Variants in DIAPH2 observed in about 807,000 individuals in gnomAD.
DIAPH2 encodes protein diaphanous homolog 2.
DIAPH2 carries 35 observed loss-of-function variants against 92.7 expected under a neutral mutation model. The observed-to-expected ratio is 0.38, with a 90% CI of 0.29 to 0.50. DIAPH2 has a LOEUF of 0.50. DIAPH2 is among the 20% of genes least tolerant of loss of function. The pLI, the probability that DIAPH2 is intolerant of heterozygous loss-of-function variation, is 0.94. For synonymous variants in DIAPH2, 301 were observed against 280.4 expected (o/e 1.07, Z -0.73); for missense variants, 701 against 819.5 (o/e 0.86, Z 1.77).
intron 17 of DIAPH2, among the ~76,000 whole-genome samples, chrX:97,026,827 G>A (rs971493685): frequency 1.8e-5 from 2 of 111,877 alleles, no homozygotes; most frequent in South Asian, 7.5e-4. Context: ...GCTCTGATTT[G>A]CCTTTGCATG....
chrX:97,470,857 C>T (rs2070556696), intron 26 of DIAPH2, among the ~76,000 whole-genome samples: 1 of 110,771 alleles, frequency 9.0e-6, no homozygotes, highest in South Asian at 3.8e-4. Context: ...AGAGAAGCTT[C>T]CACATATATT....
rs752351637 is a variant in DIAPH2, at chrX:97,438,354, T to C, written c.3241+8609T>C. 4.0e-3 allele frequency among the ~76,000 whole-genome samples: 344 copies of C among 86,282 alleles called. 6 individuals are homozygous for C. The highest frequency in any genetic ancestry group is 0.015 in the African/African-American group (331 of 22,301). The allele number at this position is 86,282 out of a possible 115,157, so 74.9% of individuals were successfully genotyped here. ...CAGCTTCTTGTTTTTTTTTTTTGTT[T>C]GTTTGTTTTTTTTTTTTTTTTTTTT... On this transcript the variant is annotated intron_variant, in intron 26 of 26. Coordinates refer to ENST00000324765, the MANE Select transcript of DIAPH2 (RefSeq NM_006729.5).
intron 4 of DIAPH2, among the ~76,000 whole-genome samples, chrX:96,778,057 A>G (rs1188425240): frequency 3.3e-5 from 2 of 60,375 alleles, no homozygotes; most frequent in Non-Finnish European, 5.7e-5. Flanking sequence ...AACAGTCCCC[A>G]GTGTGTGATG....
chrX:96,913,157 A>G (rs780683665), intron 7 of DIAPH2, among the ~76,000 whole-genome samples: 38 of 110,905 alleles, frequency 3.4e-4, no homozygotes, highest in Non-Finnish European at 4.9e-4. Context: ...TCCATTGTCT[A>G]TGCTGCTAAT....
chrX:97,596,544 TC>T (rs2071552861), intron 26 of DIAPH2, among the ~76,000 whole-genome samples: 1 of 111,839 alleles, frequency 8.9e-6, no homozygotes, highest in Admixed American at 9.5e-5. Context: ...TGAATTGGAT[TC>T]AGGCTGGGTC....
intron 26 of DIAPH2, among the ~76,000 whole-genome samples, chrX:97,477,638 ATG>A (rs201638598): frequency 9.1e-5 from 10 of 109,913 alleles, no homozygotes; most frequent in African/African-American, 3.3e-4. Context: ...ATATATATAT[ATG>A]TGTGTGTGTG....
intron 4 of DIAPH2, among the ~76,000 whole-genome samples, chrX:96,790,580 A>G (rs1569396028): frequency 9.0e-6 from 1 of 111,711 alleles, no homozygotes; most frequent in African/African-American, 3.3e-5. Flanking sequence ...CCCTTATCAG[A>G]AACAGTATTG....
intron 26 of DIAPH2, among the ~76,000 whole-genome samples, chrX:97,487,786 T>G (rs12156842): frequency 0.028 from 3,126 of 111,066 alleles, 36 homozygotes; most frequent in Middle Eastern, 0.043. Context: ...ACATTTTTTT[T>G]TTGTTGTTAA....
intron 23 of DIAPH2, among the ~76,000 whole-genome samples, chrX:97,258,870 CAAAAA>C (rs141981932): frequency 2.6e-5 from 1 of 39,081 alleles, no homozygotes; most frequent in Admixed American, 3.5e-4. Context: ...GACTCCGTCT[CAAAAA>C]AAAAAAAAAA....
intron 12 of DIAPH2, among the ~76,000 whole-genome samples, 179 bp downstream of exon 12, chrX:96,939,561 T>C (rs1279313011): frequency 1.3e-5 from 1 of 75,638 alleles, no homozygotes; most frequent in East Asian, 3.8e-4. Flanking sequence ...TATGTATATA[T>C]ATATATGTGT....
At chrX:97,074,857 A>G (rs1037631910) in intron 18 of DIAPH2, among the ~76,000 whole-genome samples, 1 of 112,040 alleles carries the variant, frequency 8.9e-6, no homozygotes, top group African/African-American at 3.2e-5. Flanking sequence ...TTAAGTTTTC[A>G]TGGGTCATTT....
At chrX:97,593,701 A>AAAC (rs1169512189) in intron 26 of DIAPH2, among the ~76,000 whole-genome samples, 2 of 111,430 alleles carry the variant, frequency 1.8e-5, no homozygotes, top group African/African-American at 6.5e-5. Context: ...AGCAATCAAC[A>AAAC]AACAAAGGAA....
intron 23 of DIAPH2, among the ~76,000 whole-genome samples, chrX:97,256,352 GTTTTC>G (rs1345147668): frequency 8.9e-6 from 1 of 111,799 alleles, no homozygotes; most frequent in African/African-American, 3.2e-5. Context: ...CTGTGAATTT[GTTTTC>G]TTTGCTTTGA....
At position 97,391,358 on chromosome X, in the gene DIAPH2, G is replaced by T. The variant is rs186210874; in HGVS notation, c.3145+7314G>T. Among the ~76,000 whole-genome samples the T allele has an allele frequency of 2.9e-3, 322 of 111,781 alleles. 1 individual carries two copies. Among genetic ancestry groups the T allele is most frequent in the African/African-American group, 8.5e-3 (261 of 30,772 alleles). On this transcript the variant is annotated intron_variant, in intron 25 of 26. Coordinates refer to ENST00000324765, the MANE Select transcript of DIAPH2 (RefSeq NM_006729.5). ...GGAAGATGTGAGTGAAGTGTCATCA[G>T]AAAGTGATTTATATAACTTTAAATA...
chrX:96,966,934 G>A (rs990293640), intron 17 of DIAPH2, among the ~76,000 whole-genome samples: 1 of 111,959 alleles, frequency 8.9e-6, no homozygotes, highest in African/African-American at 3.2e-5. Flanking sequence ...GGTGAAAATG[G>A]TAAATCATTG....
At chrX:97,124,019 C>T (rs1602357526) in intron 21 of DIAPH2, among the ~76,000 whole-genome samples, 1 of 111,863 alleles carries the variant, frequency 8.9e-6, no homozygotes, top group South Asian at 3.7e-4. Context: ...CTCAATTTTT[C>T]CAAATGGTCA....
At chrX:96,787,087 A>G (rs1165526329) in intron 4 of DIAPH2, among the ~76,000 whole-genome samples, 1 of 111,891 alleles carries the variant, frequency 8.9e-6, no homozygotes, top group African/African-American at 3.3e-5. Context: ...AGCAGGAAAA[A>G]TTATGGCTAC....
chrX:96,895,707 C>T (rs769521805), intron 5 of DIAPH2, among the ~76,000 whole-genome samples: 14 of 111,774 alleles, frequency 1.3e-4, no homozygotes, highest in Middle Eastern at 9.2e-3. Flanking sequence ...AGGCCTCACT[C>T]CATTTGGAGA....
intron 3 of DIAPH2, among the ~76,000 whole-genome samples, chrX:96,747,238 T>C (rs889186617): frequency 1.8e-5 from 2 of 111,895 alleles, no homozygotes; most frequent in Non-Finnish European, 3.8e-5. Flanking sequence ...TGTTGGAATT[T>C]GATTTCTATT....
Sources: allele counts gnomAD v4.1 joint callset (sites outside exome capture counted in the v4.1 genomes callset), GRCh38; gene constraint gnomAD v4.1.1; transcripts MANE v1.5; gene names NCBI Gene and HGNC (gene_info 2026-07-23, HGNC 2026-07-21).